The following PRKAR1A variants were observed in gnomAD, a reference collection of about 807,000 sequenced individuals.
PRKAR1A encodes protein kinase cAMP-dependent type I regulatory subunit alpha.
PRKAR1A carries 3 observed loss-of-function variants against 52.0 expected under a neutral mutation model. The observed-to-expected ratio is 0.06, with a 90% CI of 0.03 to 0.15. The LOEUF is 0.15. PRKAR1A is among the 10% of genes least tolerant of loss of function. The probability of loss-of-function intolerance (pLI) is 1.00; values close to 1 mark genes in which losing one functional copy is unlikely to be tolerated. For synonymous variants in PRKAR1A, 188 were observed against 168.4 expected, an observed-to-expected ratio of 1.12 and a Z score of -0.90; for missense variants, 240 against 477.4, an observed-to-expected ratio of 0.50 and a Z score of 4.63.
the PRKAR1A span, among the ~76,000 whole-genome samples, chr17:68,480,018 A>T: frequency 7.9e-5 from 12 of 152,292 alleles, no homozygotes; most frequent in East Asian, 2.3e-3. Flanking sequence ...ATTACCTCCC[A>T]CCAGGTCCCT....
Position 68,544,128 on chromosome 17 carries a change from G to T in PRKAR1A, c.974-6956G>T, listed in dbSNP as rs575538104. On this transcript the variant is annotated intron_variant, in intron 11 of 11. Transcript: ENST00000585981. The stretch of plus-strand genomic sequence containing the variant: ...GATGTCCAAGGATGAAGAAAGGTGG[G>T]GTATGAGCCAGGAATTGGTAATGGA... Among the ~76,000 whole-genome samples, 35 of 152,240 alleles carry T rather than the reference G, an allele frequency of 2.3e-4. No individual in the cohort carries two copies. The South Asian group carries it at 6.8e-3, about 30-fold the overall frequency.
chr17:68,540,693 C>T (rs2086246639), intron 11 of PRKAR1A: 3 of 913,658 alleles, frequency 3.3e-6, no homozygotes, highest in Non-Finnish European at 5.2e-6. Flanking sequence ...CTGTTACCTT[C>T]TGTCCTCTGG....
At chr17:68,497,890 GCAA>G in the PRKAR1A span, among the ~76,000 whole-genome samples, 1 of 152,134 alleles carries the variant, frequency 6.6e-6, no homozygotes, top group Non-Finnish European at 1.5e-5. Context: ...TATGAAAGAA[GCAA>G]CAACAAGGCA....
the PRKAR1A span, among the ~76,000 whole-genome samples, chr17:68,477,506 A>C: frequency 6.6e-6 from 1 of 152,170 alleles, no homozygotes; most frequent in Admixed American, 6.5e-5. Flanking sequence ...CCAAACTCTT[A>C]TCAGCCCAGC....
chr17:68,549,548 C>T (rs533634938), intron 11 of PRKAR1A, among the ~76,000 whole-genome samples: 4 of 150,666 alleles, frequency 2.7e-5, no homozygotes, highest in East Asian at 3.9e-4. Flanking sequence ...AAATTTTGCT[C>T]GGAGAACAGA....
At chr17:68,515,959 G>A in intron 2 of PRKAR1A, 1 of 230,546 alleles carries the variant, frequency 4.3e-6, no homozygotes, top group Non-Finnish European at 8.8e-6. Flanking sequence ...AACAAAGCAA[G>A]TAAGCGTAGT....
downstream of PRKAR1A, chr17:68,537,035 A>T (rs1342254722): frequency 2.2e-6 from 1 of 455,840 alleles, no homozygotes; most frequent in Admixed American, 2.3e-5. The surrounding 1 kb of genome is among the most constrained non-coding windows in gnomAD (Gnocchi z 4.2). Context: ...GCAGATTTTT[A>T]GTCAGCTTGT....
At chr17:68,539,787 G>T (rs935602497) in intron 11 of PRKAR1A, 3 of 1,078,540 alleles carry the variant, frequency 2.8e-6, no homozygotes, top group Non-Finnish European at 4.2e-6. Context: ...GGTGGTGGAG[G>T]CCCTCATTTG....
Position 68,542,098 on chromosome 17 carries a change from G to T in PRKAR1A, c.974-8986G>T, listed in dbSNP as rs2302234. 490,522 of 1,613,778 alleles carry T rather than the reference G, an allele frequency of 0.3. 76,585 individuals carry two copies. Among genetic ancestry groups the T allele is most frequent in the East Asian group, 0.54 (24,081 of 44,852 alleles). ...AGAGGGAACCCTCCAGCAGGTGTGG[G>T]TTGCCACAGACAGCATACTCCGTCT... On this transcript the variant is annotated intron_variant, in intron 11 of 11. Coordinates refer to the PRKAR1A transcript ENST00000585981.
the PRKAR1A span, among the ~76,000 whole-genome samples, chr17:68,457,713 A>C: frequency 6.6e-6 from 1 of 151,938 alleles, no homozygotes; most frequent in African/African-American, 2.4e-5. Flanking sequence ...AGCCCAAGCC[A>C]CGGCTGGCGG....
the PRKAR1A span, chr17:68,426,252 G>GGGGCCCCCCCCCC: frequency 1.2e-6 from 1 of 828,186 alleles, no homozygotes; most frequent in Admixed American, 2.3e-5. Flanking sequence ...TGGGGAGCGG[G>GGGGCCCCCCCCCC]GGCTCAAATA....
At chr17:68,464,552 G>T in the PRKAR1A span, among the ~76,000 whole-genome samples, 4 of 152,062 alleles carry the variant, frequency 2.6e-5, no homozygotes, top group Non-Finnish European at 5.9e-5. Context: ...GTGGTGGCAC[G>T]TGCCTGTAGT....
chr17:68,423,641 C>T, the PRKAR1A span, among the ~76,000 whole-genome samples: 1 of 152,204 alleles, frequency 6.6e-6, no homozygotes, highest in Non-Finnish European at 1.5e-5. The surrounding 1 kb of genome is among the most constrained non-coding windows in gnomAD (Gnocchi z 4.4). Context: ...GGAGAAGAAA[C>T]AACTGGCTCA....
the PRKAR1A span, among the ~76,000 whole-genome samples, chr17:68,488,880 A>G: frequency 2.0e-5 from 3 of 151,914 alleles, no homozygotes; most frequent in South Asian, 6.2e-4. Context: ...TCCCTGGTGG[A>G]TATGGTGTGA....
At chr17:68,465,022 T>A in the PRKAR1A span, among the ~76,000 whole-genome samples, 1 of 150,728 alleles carries the variant, frequency 6.6e-6, no homozygotes, top group South Asian at 2.1e-4. Flanking sequence ...ACCTCCCAGG[T>A]TCACACCATT....
At chr17:68,458,365 A>T in the PRKAR1A span, among the ~76,000 whole-genome samples, 2 of 152,238 alleles carry the variant, frequency 1.3e-5, no homozygotes, top group African/African-American at 4.8e-5. Context: ...CCTGTGCACT[A>T]AATAACTGCT....
chr17:68,491,028 C>T, the PRKAR1A span, among the ~76,000 whole-genome samples: 1 of 152,056 alleles, frequency 6.6e-6, no homozygotes, highest in Non-Finnish European at 1.5e-5. Flanking sequence ...TTGGACCAGC[C>T]TGTATCCTTG....
At chr17:68,442,701 C>T in the PRKAR1A span, among the ~76,000 whole-genome samples, 1 of 152,314 alleles carries the variant, frequency 6.6e-6, no homozygotes, top group Non-Finnish European at 1.5e-5. Context: ...CAGCCTCAAG[C>T]TCTATGCAGA....
chr17:68,414,459 A>G, the PRKAR1A span, among the ~76,000 whole-genome samples: 5 of 152,134 alleles, frequency 3.3e-5, no homozygotes, highest in Admixed American at 6.5e-5. Flanking sequence ...TTTAGCATCT[A>G]TGTTCATGAG....
Sources: gnomAD v4.1 joint callset for allele counts (sites outside exome capture counted in the v4.1 genomes callset) on GRCh38, gnomAD v4.1.1 for gene constraint, Gnocchi (gnomAD v3.1) non-coding constraint, MANE v1.5 for transcripts, NCBI Gene and HGNC (gene_info 2026-07-23, HGNC 2026-07-21) for gene names.